EMILIN2: variants seen among roughly 807,000 people sequenced by gnomAD.
The protein encoded by EMILIN2 is EMILIN-2.
EMILIN2 carries 71 observed loss-of-function variants against 87.1 expected under a neutral mutation model. That is an observed-to-expected ratio of 0.82 (90% CI 0.67 to 0.99). The LOEUF (loss-of-function observed/expected upper bound fraction) is 0.99, where lower values mean the gene tolerates loss of function less well. Ranked by LOEUF, EMILIN2 falls within the 50% of genes least tolerant of loss-of-function variation. The pLI is 0.00. For missense variants in EMILIN2, 1,407 were observed against 1,371.8 expected, an observed-to-expected ratio of 1.03 and a Z score of -0.40; for synonymous variants, 581 against 563.4, an observed-to-expected ratio of 1.03 and a Z score of -0.44.
intron 3 of EMILIN2, among the ~76,000 whole-genome samples, chr18:2,889,116 T>C (rs1348472916): frequency 3.0e-5 from 4 of 135,584 alleles, no homozygotes; most frequent in African/African-American, 1.1e-4. Flanking sequence ...TTTCTTTCCT[T>C]TTCATTTCTT....
chr18:2,881,302 C>T (rs1302758083), intron 2 of EMILIN2, among the ~76,000 whole-genome samples: 1 of 152,196 alleles, frequency 6.6e-6, no homozygotes, highest in Admixed American at 6.5e-5. Flanking sequence ...TCCTCTTCCC[C>T]ATGCTAGACT....
At chr18:2,879,923 T>C (rs2076768616) in intron 2 of EMILIN2, among the ~76,000 whole-genome samples, 1 of 152,100 alleles carries the variant, frequency 6.6e-6, no homozygotes, top group Non-Finnish European at 1.5e-5. Context: ...GCCCAGGCTG[T>C]TCTCGAACTC....
chr18:2,850,911 T>C (rs1480118878), intron 2 of EMILIN2, among the ~76,000 whole-genome samples: 1 of 152,024 alleles, frequency 6.6e-6, no homozygotes, highest in African/African-American at 2.4e-5. Flanking sequence ...GGAGAAGTCC[T>C]GGAGGCTTCA....
At chr18:2,850,229 C>T in intron 2 of EMILIN2, among the ~76,000 whole-genome samples, 1 of 151,796 alleles carries the variant, frequency 6.6e-6, no homozygotes, top group Non-Finnish European at 1.5e-5. Flanking sequence ...CATGAGCCAC[C>T]ATGTCTGGCC....
chr18:2,873,057 AAAAAC>A (rs987139934), intron 2 of EMILIN2, among the ~76,000 whole-genome samples: 4 of 143,214 alleles, frequency 2.8e-5, no homozygotes, highest in South Asian at 2.2e-4. Context: ...TTTAAAAAAA[AAAAAC>A]AAAACCAAAA....
chr18:2,889,320 T>G (rs1217776983), intron 3 of EMILIN2, among the ~76,000 whole-genome samples: 1 of 151,890 alleles, frequency 6.6e-6, no homozygotes, highest in East Asian at 1.9e-4. Flanking sequence ...GTATTTTTAG[T>G]AGAGATGGGG....
rs1211243305 is a variant in EMILIN2 at position 2,914,860 on chromosome 18, C to T, written c.*1456C>T. ...GTTTTACTATTTAAAATGTGGACCT[C>T]TTTGTCCAGGAGCGGGAGGGAGAAT... On this transcript the variant is annotated 3_prime_UTR_variant, in exon 8 of 8. Transcript: ENST00000254528. 1 of 152,220 alleles carries T rather than the reference C, an allele frequency of 6.6e-6. No homozygotes were observed. The highest frequency in any genetic ancestry group is 1.9e-4 in the East Asian group (1 of 5,200). 9.4% of individuals were successfully genotyped at this position (152,220 alleles called of 1,614,324 possible).
intron 4 of EMILIN2, among the ~76,000 whole-genome samples, chr18:2,901,123 G>A (rs1391033638): frequency 3.3e-5 from 5 of 152,222 alleles, no homozygotes; most frequent in Admixed American, 1.3e-4. Flanking sequence ...GGTTGAGCCC[G>A]TTGCATGGAC....
rs1298406059 is a variant in EMILIN2, at chr18:2,913,222, C to T, written c.2980C>T (p.Arg994Cys). The T allele has an allele frequency of 8.1e-6, 13 of 1,613,966 alleles. No homozygotes were observed. In the African/African-American group the frequency reaches 9.3e-5, roughly 12 times the overall value. Residue 994 changes from arginine to cysteine, a missense_variant, in exon 8 of 8, where the codon CGC (arginine) becomes TGC (cysteine). Coordinates refer to ENST00000254528, the MANE Select transcript of EMILIN2 (RefSeq NM_032048.3). ...GYRREFLEYH[R>C]PPGALHTCGG... ...CAGGAGAGAGTTCCTGGAATACCAC[C>T]GCCCTCCAGGAGCTTTGCATACCTG... is the stretch of plus-strand genomic sequence containing the variant.
At chr18:2,881,966 G>A (rs2144019347) in intron 2 of EMILIN2, among the ~76,000 whole-genome samples, 1 of 152,322 alleles carries the variant, frequency 6.6e-6, no homozygotes, top group Admixed American at 6.5e-5. Flanking sequence ...TTCTTACCCA[G>A]CCCTTAGGGC....
chr18:2,905,775 G>GT (rs1006831509), intron 4 of EMILIN2, among the ~76,000 whole-genome samples: 1,162 of 92,650 alleles, frequency 0.013, 51 homozygotes, highest in African/African-American at 0.037. Flanking sequence ...GCTAATTTTT[G>GT]TTTTTTTGTT....
intron 2 of EMILIN2, among the ~76,000 whole-genome samples, chr18:2,858,028 G>A (rs1331883424): frequency 1.3e-5 from 2 of 152,130 alleles, no homozygotes; most frequent in South Asian, 4.1e-4. Context: ...GGTGCAGGGG[G>A]AAAGCAGAAA....
At chr18:2,873,068 CA>C (rs1438642204) in intron 2 of EMILIN2, among the ~76,000 whole-genome samples, 1 of 149,420 alleles carries the variant, frequency 6.7e-6, no homozygotes, top group African/African-American at 2.5e-5. Flanking sequence ...AAAACAAAAC[CA>C]AAAACTTAAT....
Position 2,906,816 on chromosome 18 carries a change from C to T in EMILIN2, c.2393C>T (p.Pro798Leu). 7.6e-7 allele frequency: 1 copy of T among 1,318,724 alleles called. No individual in the cohort carries two copies. Among genetic ancestry groups the T allele is most frequent in the South Asian group, 2.1e-5 (1 of 46,612 alleles). The allele number at this position is 1,318,724 out of a possible 1,614,324, so 81.7% of individuals were successfully genotyped here. A position where few individuals can be genotyped will look rare whatever the true frequency, so the allele number is the denominator to read the frequency against. The change falls in exon 5 of 8, where the codon CCG (proline) becomes CTG (leucine). Residue 798 changes from proline (P) to leucine (L), a missense_variant. Physicochemically the swap from Pro to Leu is moderately conservative, Grantham distance 98. Coordinates refer to ENST00000254528, the MANE Select transcript of EMILIN2 (RefSeq NM_032048.3). ...TCGCCCCCGCCGCCCGCAGAGGCCC[C>T]GAAGGAGCCGCTGCAGCCCGAGCCC... Reference protein sequence around the residue: ...APSPPPPAEAPKEPLQPEPAP... With the variant: ...APSPPPPAEALKEPLQPEPAP...
intron 3 of EMILIN2, among the ~76,000 whole-genome samples, chr18:2,889,960 A>C (rs2076826000): frequency 6.6e-6 from 1 of 152,222 alleles, no homozygotes; most frequent in South Asian, 2.1e-4. Context: ...AAGCAGGGCT[A>C]AACAATGTCT....
At chr18:2,896,269 G>C (rs985323225) in intron 4 of EMILIN2, among the ~76,000 whole-genome samples, 1 of 151,968 alleles carries the variant, frequency 6.6e-6, no homozygotes, top group African/African-American at 2.4e-5. Flanking sequence ...TCCGCCTCCC[G>C]GGTTCAAGCG....
At position 2,894,795 on chromosome 18, in the gene EMILIN2, T is replaced by C. The variant is rs1169404890; in HGVS notation, c.2359+2309T>C. ...CCTCTGCCCTTGTCTAGCATCCAGGTCTAGGAGACCTGGAACCTGAGTATC... is the reference window on the plus strand; with the variant it reads ...CCTCTGCCCTTGTCTAGCATCCAGGCCTAGGAGACCTGGAACCTGAGTATC... On this transcript the variant is annotated intron_variant, in intron 4 of 7. Coordinates refer to ENST00000254528, the MANE Select transcript of EMILIN2 (RefSeq NM_032048.3). The surrounding 1 kb of genome is among the most constrained non-coding windows in gnomAD (Gnocchi z 5.0). Among the ~76,000 whole-genome samples the C allele has an allele frequency of 1.3e-5, 2 of 152,066 alleles. No homozygotes were observed. Among genetic ancestry groups the C allele is most frequent in the African/African-American group, 4.8e-5 (2 of 41,404 alleles).
At chr18:2,909,653 C>T in intron 6 of EMILIN2, 38 bp from the exon 7 acceptor site, 2 of 1,607,432 alleles carry the variant, frequency 1.2e-6, no homozygotes, top group Middle Eastern at 1.7e-4. Flanking sequence ...AGGACAGAAG[C>T]ACCCGGGTCA....
chr18:2,890,896 T>C lies in EMILIN2; in HGVS notation c.769T>C (p.Ser257Pro). ...QSPGVFNTKE[S>P]GMKDIKSELA... Reference sequence around the variant, plus strand: ...TCCTGGTGTCTTCAACACTAAGGAATCTGGCATGAAGGACATCAAGTCTGA... The same window carrying C: ...TCCTGGTGTCTTCAACACTAAGGAACCTGGCATGAAGGACATCAAGTCTGA... Residue 257 changes from serine to proline, a missense_variant, in exon 4 of 8, where the codon TCT becomes CCT. Transcript: ENST00000254528. The surrounding 1 kb of genome is among the most constrained non-coding windows in gnomAD (Gnocchi z 4.7). The C allele has an allele frequency of 6.2e-7, 1 of 1,613,812 alleles. No individual in the cohort carries two copies. The highest frequency in any genetic ancestry group is 8.5e-7 in the Non-Finnish European group (1 of 1,180,018).
Sources: allele counts gnomAD v4.1 joint callset (sites outside exome capture counted in the v4.1 genomes callset), GRCh38; gene constraint gnomAD v4.1.1; non-coding constraint Gnocchi (gnomAD v3.1); transcripts MANE v1.5; gene names NCBI Gene and HGNC (gene_info 2026-07-23, HGNC 2026-07-21).